The following PRKN variants were observed in gnomAD, a reference collection of about 807,000 sequenced individuals.
The protein encoded by PRKN is E3 ubiquitin-protein ligase parkin.
PRKN carries 56 observed loss-of-function variants against 59.5 expected under a neutral mutation model. The observed-to-expected ratio is 0.94, with a 90% confidence interval of 0.76 to 1.18. The LOEUF is 1.18. Among genes scored for constraint, PRKN ranks in the 50% most tolerant of loss-of-function variants. PRKN has a pLI of 0.00. For missense variants in PRKN, 657 were observed against 596.4 expected, an observed-to-expected ratio of 1.10 and a Z score of -1.06; for synonymous variants, 250 against 222.1, an observed-to-expected ratio of 1.13 and a Z score of -1.12.
intron 6 of PRKN, among the ~76,000 whole-genome samples, chr6:161,952,767 T>C (rs1322723312): frequency 1.3e-5 from 2 of 152,126 alleles, no homozygotes; most frequent in African/African-American, 4.8e-5. Context: ...ATAAAACCTT[T>C]CCAATTAGTG....
At chr6:162,261,838 G>T (rs1410006525) in intron 3 of PRKN, among the ~76,000 whole-genome samples, 1 of 152,006 alleles carries the variant, frequency 6.6e-6, no homozygotes, top group African/African-American at 2.4e-5. Context: ...ATTTTATTTA[G>T]TAAGTTTAGT....
intron 2 of PRKN, among the ~76,000 whole-genome samples, chr6:162,294,755 C>T (rs921406914): frequency 2.8e-4 from 43 of 151,758 alleles, no homozygotes; most frequent in African/African-American, 9.9e-4. Context: ...AAGAGAAATA[C>T]AATACAATAA....
intron 7 of PRKN, among the ~76,000 whole-genome samples, chr6:161,647,586 C>T (rs1479754800): frequency 1.9e-5 from 2 of 107,370 alleles, no homozygotes; most frequent in East Asian, 2.2e-4. Flanking sequence ...GAGTATATTC[C>T]TTGTCAACAT....
intron 3 of PRKN, among the ~76,000 whole-genome samples, chr6:162,253,257 C>T (rs756317675): frequency 1.3e-5 from 2 of 148,828 alleles, no homozygotes; most frequent in Non-Finnish European, 3.0e-5. Flanking sequence ...ACGAAACAGG[C>T]ATGCTGGTGA....
At chr6:161,871,138 G>C (rs1794327383) in intron 6 of PRKN, among the ~76,000 whole-genome samples, 1 of 152,082 alleles carries the variant, frequency 6.6e-6, no homozygotes, top group African/African-American at 2.4e-5. Context: ...AACGTATAGA[G>C]ATTATTTCTA....
chr6:162,371,653 A>G (rs145675265), intron 2 of PRKN, among the ~76,000 whole-genome samples: 4 of 152,286 alleles, frequency 2.6e-5, no homozygotes, highest in South Asian at 2.1e-4. Flanking sequence ...AAACTTAGCG[A>G]TTATTATTTA....
At chr6:161,707,904 A>C (rs13209587) in intron 7 of PRKN, among the ~76,000 whole-genome samples, 1 of 151,872 alleles carries the variant, frequency 6.6e-6, no homozygotes, top group Admixed American at 6.6e-5. Context: ...CTTAACATTT[A>C]TAGATTAGAA....
chr6:162,380,186 A>C (rs1478873480), intron 2 of PRKN, among the ~76,000 whole-genome samples: 1 of 152,052 alleles, frequency 6.6e-6, no homozygotes, highest in African/African-American at 2.4e-5. Context: ...GTAAATAGTG[A>C]ATTAAATGCT....
chr6:162,399,823 G>T (rs1042850934), intron 2 of PRKN, among the ~76,000 whole-genome samples: 2 of 151,878 alleles, frequency 1.3e-5, no homozygotes, highest in African/African-American at 4.8e-5. Context: ...TGACACAAAG[G>T]TACAAACTCA....
At chr6:161,604,783 A>C (rs1007183104) in intron 7 of PRKN, among the ~76,000 whole-genome samples, 1 of 152,170 alleles carries the variant, frequency 6.6e-6, no homozygotes, top group African/African-American at 2.4e-5. Flanking sequence ...AAAAATACAA[A>C]AAAGAGCCGG....
At chr6:162,511,036 T>A (rs938950728) in intron 1 of PRKN, among the ~76,000 whole-genome samples, 24 of 152,150 alleles carry the variant, frequency 1.6e-4, no homozygotes, top group Non-Finnish European at 2.9e-4. Flanking sequence ...AAAGGAAATT[T>A]TAATGAAACA....
intron 7 of PRKN, among the ~76,000 whole-genome samples, chr6:161,745,287 C>T (rs1362680686): frequency 1.3e-5 from 2 of 152,162 alleles, no homozygotes; most frequent in African/African-American, 4.8e-5. Flanking sequence ...CAGGTGAAGT[C>T]AGGGCAGGCT....
chr6:161,708,390 T>C (rs1011194828), intron 7 of PRKN, among the ~76,000 whole-genome samples: 3 of 151,838 alleles, frequency 2.0e-5, no homozygotes, highest in Admixed American at 6.6e-5. Context: ...CTACTCTTTC[T>C]CTTTGCATTT....
chr6:162,077,803 C>T (rs974937156), intron 4 of PRKN, among the ~76,000 whole-genome samples: 8 of 151,904 alleles, frequency 5.3e-5, no homozygotes, highest in South Asian at 4.2e-4. Context: ...AGTTCAAGAC[C>T]AGCCTGGCCA....
chr6:162,696,150 G>A (rs998401685), intron 1 of PRKN, among the ~76,000 whole-genome samples: 2 of 152,108 alleles, frequency 1.3e-5, no homozygotes, highest in African/African-American at 4.8e-5. Context: ...GGGCAAAAAT[G>A]AAAATCATTA....
At chr6:162,488,532 T>C (rs534166832) in intron 1 of PRKN, among the ~76,000 whole-genome samples, 33 of 152,206 alleles carry the variant, frequency 2.2e-4, no homozygotes, top group African/African-American at 7.7e-4. Flanking sequence ...TCCTCTCTAC[T>C]CACACTTCCT....
chr6:161,966,549 T>G lies in PRKN; in HGVS notation c.734+6753A>C, dbSNP rs890259490. 7.2e-5 allele frequency among the ~76,000 whole-genome samples: 11 copies of G among 152,172 alleles called. 1 individual carries two copies. Among genetic ancestry groups the G allele is most frequent in the Admixed American group, 7.2e-4 (11 of 15,282 alleles). On this transcript the variant is annotated intron_variant, in intron 6 of 11. Transcript: ENST00000366898. ...CTGAACCTTCTGTTGTAACTTCTAT[T>G]GGAAAGACTAAACAAGGCAGCTATT... is the stretch of plus-strand genomic sequence containing the variant.
intron 2 of PRKN, among the ~76,000 whole-genome samples, chr6:162,355,948 T>A (rs796783289): frequency 6.6e-6 from 1 of 152,128 alleles, no homozygotes; most frequent in Non-Finnish European, 1.5e-5. Flanking sequence ...AAATGAAGAT[T>A]CTGCATACAA....
At chr6:161,477,365 A>G (rs909789525) in intron 9 of PRKN, among the ~76,000 whole-genome samples, 7 of 152,020 alleles carry the variant, frequency 4.6e-5, no homozygotes, top group Non-Finnish European at 8.8e-5. Context: ...TAAAAATACA[A>G]AATTATCCAG....
Sources: gnomAD v4.1 joint callset for allele counts (sites outside exome capture counted in the v4.1 genomes callset) on GRCh38, gnomAD v4.1.1 for gene constraint, MANE v1.5 for transcripts, NCBI Gene and HGNC (gene_info 2026-07-23, HGNC 2026-07-21) for gene names.